RALYL: variants seen among roughly 807,000 people sequenced by gnomAD.
The protein encoded by RALYL is RNA-binding Raly-like protein.
Under a neutral mutation model 35.1 loss-of-function variants are expected in RALYL, and 29 were observed. That is an observed-to-expected ratio of 0.83 (90% CI 0.61 to 1.13). The LOEUF (loss-of-function observed/expected upper bound fraction) is 1.13, where lower values mean the gene tolerates loss of function less well. Among genes scored for constraint, RALYL ranks in the 50% most tolerant of loss-of-function variants. The pLI, the probability that RALYL is intolerant of heterozygous loss-of-function variation, is 0.00. For missense variants in RALYL, 359 were observed against 360.4 expected (o/e 1.00, Z 0.03); for synonymous variants, 120 against 127.6 (o/e 0.94, Z 0.40).
rs755892988 is a variant in RALYL, at chr8:84,198,478, A to T, written c.-24+14054A>T. Among the ~76,000 whole-genome samples, 35 of 152,230 alleles carry T rather than the reference A, an allele frequency of 2.3e-4. 1 individual carries two copies. Among genetic ancestry groups the T allele is most frequent in the Admixed American group, 1.6e-3 (24 of 15,286 alleles). ...TCACATCATGGAAAATGTGATATCC[A>T]TCCCCTCAAGCATTTACCCTTTGTG... On this transcript the variant is annotated intron_variant, in intron 1 of 8. Coordinates refer to ENST00000521268, the MANE Select transcript of RALYL (RefSeq NM_173848.7).
chr8:84,492,880 T>C (rs776646143), intron 1 of RALYL, among the ~76,000 whole-genome samples: 1 of 147,594 alleles, frequency 6.8e-6, no homozygotes, highest in Non-Finnish European at 1.5e-5. Context: ...CCAGAGCACC[T>C]ACTTAGAGTA....
rs190703228 is a variant in RALYL, at chr8:84,669,360, T to A, written c.257-105219T>A. On this transcript the variant is annotated intron_variant, in intron 2 of 8. Coordinates refer to ENST00000521268, the MANE Select transcript of RALYL (RefSeq NM_173848.7). ...CCATGTGCTTCTGAGCATTTTTTTT[T>A]AATTTCAACTTTTATTTTAGATAGA... Among the ~76,000 whole-genome samples, 551 of 152,176 alleles carry A rather than the reference T, an allele frequency of 3.6e-3. 4 individuals are homozygous for A. The highest frequency in any genetic ancestry group is 0.012 in the African/African-American group (511 of 41,518).
chr8:84,397,556 A>C (rs1046197613), intron 1 of RALYL, among the ~76,000 whole-genome samples: 4 of 152,182 alleles, frequency 2.6e-5, no homozygotes, highest in African/African-American at 9.7e-5. Flanking sequence ...GAAGGTAGCA[A>C]AGCAATACAA....
intron 2 of RALYL, among the ~76,000 whole-genome samples, chr8:84,600,488 G>C (rs1032278012): frequency 1.3e-5 from 2 of 152,122 alleles, no homozygotes; most frequent in South Asian, 2.1e-4. Flanking sequence ...TTTGCAGCCT[G>C]TGTAGAAAGG....
chr8:84,867,617 A>G (rs1839408437), intron 6 of RALYL, among the ~76,000 whole-genome samples: 1 of 152,188 alleles, frequency 6.6e-6, no homozygotes, highest in Non-Finnish European at 1.5e-5. Context: ...TTTTCAAGCT[A>G]TGTGATTTGA....
At chr8:84,430,842 G>T (rs2047066556) in intron 1 of RALYL, among the ~76,000 whole-genome samples, 1 of 152,006 alleles carries the variant, frequency 6.6e-6, no homozygotes, top group African/African-American at 2.4e-5. Flanking sequence ...TCAATAGCAG[G>T]TGTTAATTTC....
At chr8:84,611,424 C>G (rs1479914820) in intron 2 of RALYL, among the ~76,000 whole-genome samples, 1 of 152,046 alleles carries the variant, frequency 6.6e-6, no homozygotes, top group Non-Finnish European at 1.5e-5. Flanking sequence ...CCAAGAAAGT[C>G]CTGGGCAAGA....
intron 2 of RALYL, among the ~76,000 whole-genome samples, chr8:84,688,481 C>A (rs1328080680): frequency 2.0e-5 from 3 of 152,102 alleles, no homozygotes; most frequent in Non-Finnish European, 4.4e-5. Flanking sequence ...AAAGGAAAAT[C>A]ACTTCGATAA....
At chr8:84,355,972 G>A (rs780287712) in intron 1 of RALYL, among the ~76,000 whole-genome samples, 11 of 149,936 alleles carry the variant, frequency 7.3e-5, no homozygotes, top group Non-Finnish European at 1.5e-4. Flanking sequence ...GGATTTCCCT[G>A]CCTGCTGTTC....
At chr8:84,680,245 A>G (rs962253257) in intron 2 of RALYL, among the ~76,000 whole-genome samples, 12 of 152,148 alleles carry the variant, frequency 7.9e-5, no homozygotes, top group African/African-American at 2.7e-4. Flanking sequence ...AACCCAGTCT[A>G]TCATTGTTGG....
At chr8:84,222,589 G>T (rs900325510) in intron 1 of RALYL, among the ~76,000 whole-genome samples, 3 of 152,130 alleles carry the variant, frequency 2.0e-5, no homozygotes, top group African/African-American at 7.2e-5. Flanking sequence ...CTTGGGAGAT[G>T]AGGAAAAGAC....
intron 1 of RALYL, among the ~76,000 whole-genome samples, chr8:84,413,938 A>T (rs1041379321): frequency 6.6e-6 from 1 of 152,088 alleles, no homozygotes; most frequent in African/African-American, 2.4e-5. Context: ...ATGGCATATA[A>T]GACAGGGTTT....
chr8:84,439,718 A>G (rs2048132475), intron 1 of RALYL, among the ~76,000 whole-genome samples: 1 of 152,056 alleles, frequency 6.6e-6, no homozygotes, highest in Non-Finnish European at 1.5e-5. Flanking sequence ...TTAGTAATTA[A>G]AACACAGTTC....
At chr8:84,346,132 C>T (rs992837094) in intron 1 of RALYL, 50 of 905,868 alleles carry the variant, frequency 5.5e-5, no homozygotes, top group South Asian at 2.0e-4. Context: ...TAGCCCTTGG[C>T]GAGGTGCCTG....
At chr8:84,229,527 C>A (rs768802394) in intron 1 of RALYL, among the ~76,000 whole-genome samples, 2 of 152,174 alleles carry the variant, frequency 1.3e-5, no homozygotes, top group African/African-American at 2.4e-5. Context: ...AGTTTGGGGT[C>A]CTGAGACAGT....
chr8:84,252,333 T>C (rs964985617), intron 1 of RALYL, among the ~76,000 whole-genome samples: 1 of 152,152 alleles, frequency 6.6e-6, no homozygotes, highest in African/African-American at 2.4e-5. Context: ...AGATATTATA[T>C]CAGAAATCAA....
intron 5 of RALYL, among the ~76,000 whole-genome samples, chr8:84,861,717 G>A (rs1174825513): frequency 1.3e-5 from 2 of 152,210 alleles, no homozygotes; most frequent in Non-Finnish European, 2.9e-5. Context: ...AATCAGAGGA[G>A]ACTTTGTTAC....
intron 2 of RALYL, among the ~76,000 whole-genome samples, chr8:84,594,569 TA>T (rs1462131425): frequency 6.6e-6 from 1 of 151,952 alleles, no homozygotes; most frequent in Non-Finnish European, 1.5e-5. Flanking sequence ...TACTTTGCCT[TA>T]AAAAATGCAC....
At chr8:84,597,418 GAT>G (rs1491370833) in intron 2 of RALYL, among the ~76,000 whole-genome samples, 2 of 152,036 alleles carry the variant, frequency 1.3e-5, no homozygotes, top group Non-Finnish European at 2.9e-5. Flanking sequence ...AAACATTCTT[GAT>G]TTTTCTCCCT....
Sources: allele counts gnomAD v4.1 joint callset (sites outside exome capture counted in the v4.1 genomes callset), GRCh38; gene constraint gnomAD v4.1.1; transcripts MANE v1.5; gene names NCBI Gene and HGNC (gene_info 2026-07-23, HGNC 2026-07-21).